Variants in CLXN observed in about 807,000 individuals in gnomAD.
CLXN encodes the protein calaxin.
At chr8:48,717,284 G>C in the CLXN span, among the ~76,000 whole-genome samples, 3 of 152,204 alleles carry the variant, frequency 2.0e-5, no homozygotes, top group Non-Finnish European at 2.9e-5. Context: ...AAAGCAGCAA[G>C]AGAAAGGTGA....
chr8:48,723,434 A>G, the CLXN span: 1 of 152,222 alleles, frequency 6.6e-6, no homozygotes, highest in African/African-American at 2.4e-5. Context: ...GGATCTGTTT[A>G]TTCCATTTAT....
chr8:48,720,731 G>A, the CLXN span, among the ~76,000 whole-genome samples: 3 of 152,210 alleles, frequency 2.0e-5, no homozygotes, highest in East Asian at 5.8e-4. Context: ...TTTGAAGCAT[G>A]TGATTTTGTA....
the CLXN span, among the ~76,000 whole-genome samples, chr8:48,719,407 C>T: frequency 6.6e-6 from 1 of 151,894 alleles, no homozygotes; most frequent in Non-Finnish European, 1.5e-5. Flanking sequence ...AAAAAGGGCC[C>T]ACTTACAAAA....
chr8:48,735,249 G>A, the CLXN span: 1 of 1,365,394 alleles, frequency 7.3e-7, no homozygotes, highest in Non-Finnish European at 1.0e-6. Flanking sequence ...CTGGGTCAAC[G>A]CGGTGAGGTC....
chr8:48,735,185 G>A, the CLXN span: 5 of 1,612,598 alleles, frequency 3.1e-6, no homozygotes, highest in Admixed American at 3.3e-5. Flanking sequence ...CGCGGCGGGG[G>A]TCTCTGGGCG....
At chr8:48,734,992 C>T in the CLXN span, 22 of 1,372,572 alleles carry the variant, frequency 1.6e-5, 1 homozygote, top group Non-Finnish European at 1.9e-5. Flanking sequence ...CCCACAGAGT[C>T]CCAGCAGGCG....
At chr8:48,727,558 C>G in the CLXN span, among the ~76,000 whole-genome samples, 1 of 151,954 alleles carries the variant, frequency 6.6e-6, no homozygotes, top group Non-Finnish European at 1.5e-5. Flanking sequence ...GAGGCAGCAG[C>G]AAGTGCACAG....
At chr8:48,721,033 T>C in the CLXN span, among the ~76,000 whole-genome samples, 3 of 152,262 alleles carry the variant, frequency 2.0e-5, no homozygotes, top group South Asian at 2.1e-4. Flanking sequence ...TCATCATATA[T>C]GTAGAAAACC....
the CLXN span, among the ~76,000 whole-genome samples, chr8:48,723,237 ATC>A: frequency 6.6e-6 from 1 of 152,224 alleles, no homozygotes; most frequent in African/African-American, 2.4e-5. Context: ...ATATAAAAAC[ATC>A]AAGTTGTATA....
At chr8:48,719,332 C>G in the CLXN span, among the ~76,000 whole-genome samples, 1 of 151,978 alleles carries the variant, frequency 6.6e-6, no homozygotes, top group Admixed American at 6.6e-5. Flanking sequence ...GTGAATTCTA[C>G]CCAACATACT....
the CLXN span, among the ~76,000 whole-genome samples, chr8:48,734,269 A>G: frequency 2.0e-5 from 3 of 152,204 alleles, no homozygotes; most frequent in Admixed American, 2.0e-4. Flanking sequence ...CAATTAGCAC[A>G]CACAACTTCT....
At chr8:48,714,888 TA>T in the CLXN span, 1 of 152,204 alleles carries the variant, frequency 6.6e-6, no homozygotes, top group East Asian at 1.9e-4. Context: ...TAGAATTATT[TA>T]TAATAGCAAA....
the CLXN span, among the ~76,000 whole-genome samples, chr8:48,728,228 C>A: frequency 3.3e-5 from 5 of 152,298 alleles, no homozygotes; most frequent in East Asian, 9.6e-4. Context: ...CAGAGCACAC[C>A]AAAACCTCGT....
chr8:48,720,706 T>C, the CLXN span, among the ~76,000 whole-genome samples: 22 of 152,208 alleles, frequency 1.4e-4, no homozygotes, highest in African/African-American at 5.1e-4. Flanking sequence ...TTATTAGTAG[T>C]TCTGCTTTTT....
the CLXN span, among the ~76,000 whole-genome samples, chr8:48,718,677 T>C: frequency 2.6e-5 from 4 of 152,064 alleles, no homozygotes; most frequent in South Asian, 8.3e-4. Context: ...CACAAATATA[T>C]AGAAACTAAA....
the CLXN span, among the ~76,000 whole-genome samples, chr8:48,714,756 G>A: frequency 2.4e-3 from 367 of 152,292 alleles, no homozygotes; most frequent in African/African-American, 8.5e-3. Flanking sequence ...CTGGCAACAC[G>A]TGCTAGAAAT....
the CLXN span, chr8:48,724,387 C>T: frequency 1.2e-5 from 2 of 164,346 alleles, no homozygotes; most frequent in Non-Finnish European, 2.6e-5. Flanking sequence ...CACCCAGCTT[C>T]TTTTTGACAT....
At chr8:48,729,670 A>G in the CLXN span, 14 of 1,520,136 alleles carry the variant, frequency 9.2e-6, no homozygotes, top group Non-Finnish European at 1.2e-5. Context: ...TTTCTAGCCC[A>G]TATCTGGCCC....
chr8:48,733,256 T>G, the CLXN span, among the ~76,000 whole-genome samples: 1 of 152,176 alleles, frequency 6.6e-6, no homozygotes, highest in South Asian at 2.1e-4. Context: ...TTTTTCCATC[T>G]CAGCTGAAAT....
Sources: allele counts gnomAD v4.1 joint callset (sites outside exome capture counted in the v4.1 genomes callset), GRCh38; gene constraint gnomAD v4.1.1; transcripts MANE v1.5; gene names NCBI Gene and HGNC (gene_info 2026-07-23, HGNC 2026-07-21).